CTNNA3: variants seen among roughly 807,000 people sequenced by gnomAD.
CTNNA3 encodes the protein catenin alpha-3.
Under a neutral mutation model 95.7 loss-of-function variants are expected in CTNNA3, and 76 were observed. The observed-to-expected ratio is 0.79, with a 90% confidence interval of 0.66 to 0.96. The LOEUF (loss-of-function observed/expected upper bound fraction) is 0.96, where lower values mean the gene tolerates loss of function less well. Ranked by LOEUF, CTNNA3 falls within the 40% of genes least tolerant of loss-of-function variation. The probability of loss-of-function intolerance (pLI) is 0.00; values close to 1 mark genes in which losing one functional copy is unlikely to be tolerated. For missense variants in CTNNA3, 1,191 were observed against 1,089.8 expected (o/e 1.09, Z -1.31); for synonymous variants, 431 against 374.4 (o/e 1.15, Z -1.74).
chr10:66,775,480 G>A lies in CTNNA3; in HGVS notation c.1092C>T (p.Asp364=). 1 of 1,611,386 alleles carries A rather than the reference G, an allele frequency of 6.2e-7. No individual in the cohort carries two copies. The change falls in exon 8 of 18, where the codon GAC becomes GAT. Residue 364 remains aspartate, a synonymous_variant. Transcript: ENST00000433211. ...GGTCTCTTGTCTTCTTACACATGTT[G>A]TCTAAAGCAATATTCAGGGTATTAC... ...ERSNTLNIAL[D]NMCKKTRDLR... is the part of the protein sequence containing the mutation.
At chr10:66,661,295 G>C (rs1846255648) in intron 9 of CTNNA3, among the ~76,000 whole-genome samples, 1 of 152,046 alleles carries the variant, frequency 6.6e-6, no homozygotes, top group Non-Finnish European at 1.5e-5. Flanking sequence ...ATGGCGGGAG[G>C]CAAAAGGCAC....
intron 13 of CTNNA3, among the ~76,000 whole-genome samples, chr10:66,233,533 A>T (rs1343051837): frequency 6.6e-6 from 1 of 152,174 alleles, no homozygotes; most frequent in African/African-American, 2.4e-5. Context: ...TACAAAATAG[A>T]AATTTACATG....
intron 5 of CTNNA3, among the ~76,000 whole-genome samples, chr10:67,357,868 ACTGT>A (rs1400342231): frequency 2.6e-5 from 4 of 151,912 alleles, no homozygotes; most frequent in African/African-American, 4.8e-5. Flanking sequence ...AAGAACTTGA[ACTGT>A]CTGACTTCAG....
intron 17 of CTNNA3, among the ~76,000 whole-genome samples, chr10:65,922,265 T>G (rs1463564316): frequency 1.3e-5 from 2 of 152,236 alleles, no homozygotes; most frequent in Non-Finnish European, 2.9e-5. Flanking sequence ...CCAGCAACTC[T>G]GCTTTTAAGA....
At chr10:67,724,162 C>T (rs1841195540) in intron 1 of CTNNA3, among the ~76,000 whole-genome samples, 1 of 152,124 alleles carries the variant, frequency 6.6e-6, no homozygotes, top group Admixed American at 6.5e-5. Flanking sequence ...GTGTTACCAC[C>T]CAGATGAACT....
intron 17 of CTNNA3, among the ~76,000 whole-genome samples, chr10:65,939,147 C>T (rs940528568): frequency 1.4e-4 from 22 of 152,048 alleles, no homozygotes; most frequent in African/African-American, 4.6e-4. Flanking sequence ...CCTCGTGATC[C>T]GCTCGCCTCG....
chr10:67,033,008 AATTATTTTACAGTACT>A (rs1853828054), intron 7 of CTNNA3, among the ~76,000 whole-genome samples: 1 of 152,170 alleles, frequency 6.6e-6, no homozygotes, highest in Non-Finnish European at 1.5e-5. Flanking sequence ...TTTTTACTTG[AATTATTTTACAGTACT>A]TTTACCAATG....
chr10:67,245,855 C>CA (rs34908113), intron 5 of CTNNA3, among the ~76,000 whole-genome samples: 895 of 71,642 alleles, frequency 0.012, 2 homozygotes, highest in Middle Eastern at 0.026. Flanking sequence ...ACTCTGTCTC[C>CA]AAAAAAAAAA....
Position 66,846,279 on chromosome 10 carries a change from T to C in CTNNA3, c.1048-70755A>G, listed in dbSNP as rs550298275. On this transcript the variant is annotated intron_variant, in intron 7 of 17. Coordinates refer to ENST00000433211, the MANE Select transcript of CTNNA3 (RefSeq NM_013266.4). The stretch of plus-strand genomic sequence containing the variant: ...AAGTCAAACTCATAGAAGCAGAGTA[T>C]AGTGATGGTTGCCAGGGGCTAAGGG... Among the ~76,000 whole-genome samples, 196 of 152,212 alleles carry C rather than the reference T, an allele frequency of 1.3e-3. 1 individual carries two copies. The highest frequency in any genetic ancestry group is 4.7e-3 in the African/African-American group (194 of 41,540).
At chr10:66,819,134 A>G (rs917697625) in intron 7 of CTNNA3, among the ~76,000 whole-genome samples, 8 of 151,488 alleles carry the variant, frequency 5.3e-5, no homozygotes, top group African/African-American at 1.9e-4. Flanking sequence ...TAGTATTGGC[A>G]TAATGGATCA....
chr10:67,433,039 G>C (rs1157568922), intron 5 of CTNNA3, among the ~76,000 whole-genome samples: 1 of 151,972 alleles, frequency 6.6e-6, no homozygotes, highest in Admixed American at 6.6e-5. Context: ...TTGGCTGTTT[G>C]GCACAAGAGG....
Position 66,766,412 on chromosome 10 carries a change from C to T in CTNNA3, c.1133G>A (p.Arg378His), listed in dbSNP as rs143682596. The T allele has an allele frequency of 5.8e-4, 931 of 1,603,932 alleles. 3 individuals are homozygous for T. In the African/African-American group the frequency reaches 7.6e-3, roughly 13 times the overall value. ...TGACACATGATCTATAATAGCCTTG[C>T]GGAGCTGAGAAGAAATGAAAAATTC... ...KKTRDLRRQL[R>H]KAIIDHVSDS... Residue 378 changes from arginine (R) to histidine (H), a missense_variant, in exon 9 of 18, where the codon CGC (arginine) becomes CAC (histidine). Arg to His is a conservative substitution (Grantham distance 29). Coordinates refer to ENST00000433211, the MANE Select transcript of CTNNA3 (RefSeq NM_013266.4).
rs10997286 is a variant in CTNNA3, at chr10:66,654,642, A to T, written c.1282-32858T>A. On this transcript the variant is annotated intron_variant, in intron 9 of 17. Coordinates refer to ENST00000433211, the MANE Select transcript of CTNNA3 (RefSeq NM_013266.4). Reference sequence around the variant, plus strand: ...GGTATGAAATTAGTATGTCAAAGAGATTGCCTGCATTCCCATGTTCCTCAC... The same window carrying T: ...GGTATGAAATTAGTATGTCAAAGAGTTTGCCTGCATTCCCATGTTCCTCAC... Among the ~76,000 whole-genome samples, 1,220 of 152,168 alleles carry T rather than the reference A, an allele frequency of 8.0e-3. 18 individuals are homozygous for T. The highest frequency in any genetic ancestry group is 0.028 in the African/African-American group (1,172 of 41,552).
At chr10:67,256,225 G>A (rs1866343721) in intron 5 of CTNNA3, among the ~76,000 whole-genome samples, 3 of 151,968 alleles carry the variant, frequency 2.0e-5, no homozygotes, top group African/African-American at 7.2e-5. Context: ...CTTTAATTTG[G>A]CATAAATGCA....
At chr10:67,390,194 T>C (rs1288053192) in intron 5 of CTNNA3, among the ~76,000 whole-genome samples, 1 of 151,924 alleles carries the variant, frequency 6.6e-6, no homozygotes, top group Non-Finnish European at 1.5e-5. Flanking sequence ...AAGAATCAAA[T>C]AGATGCAATA....
chr10:66,286,319 A>G (rs1317891423), intron 12 of CTNNA3, among the ~76,000 whole-genome samples: 1 of 151,900 alleles, frequency 6.6e-6, no homozygotes, highest in Non-Finnish European at 1.5e-5. Context: ...TTCCCTTTTA[A>G]TATCTCTTCC....
intron 14 of CTNNA3, among the ~76,000 whole-genome samples, chr10:66,077,265 G>A (rs544319989): frequency 6.6e-6 from 1 of 151,746 alleles, no homozygotes; most frequent in Admixed American, 6.6e-5. Context: ...GGGAATATGA[G>A]TCTGTATTGT....
At chr10:66,395,877 A>T (rs1206237502) in intron 11 of CTNNA3, among the ~76,000 whole-genome samples, 3 of 151,966 alleles carry the variant, frequency 2.0e-5, no homozygotes, top group Admixed American at 6.6e-5. Flanking sequence ...TAGCATACCC[A>T]TCACCCACGT....
chr10:67,740,420 G>T (rs1194709828), intron 1 of CTNNA3, among the ~76,000 whole-genome samples: 1 of 151,182 alleles, frequency 6.6e-6, no homozygotes, highest in Non-Finnish European at 1.5e-5. Flanking sequence ...CTGACAAAGG[G>T]CTAATATCCA....
Sources: allele counts gnomAD v4.1 joint callset (sites outside exome capture counted in the v4.1 genomes callset), GRCh38; gene constraint gnomAD v4.1.1; transcripts MANE v1.5; gene names NCBI Gene and HGNC (gene_info 2026-07-23, HGNC 2026-07-21).